The following HMCN1 variants were observed in gnomAD, a reference collection of about 807,000 sequenced individuals.
HMCN1 encodes hemicentin 1.
HMCN1 carries 321 observed loss-of-function variants against 625.9 expected under a neutral mutation model. The ratio of observed to expected loss-of-function variants is 0.51; its 90% CI spans 0.47 to 0.56. The LOEUF is 0.56. HMCN1 is among the 20% of genes least tolerant of loss of function. The pLI is 0.00. For synonymous variants in HMCN1, 2,425 were observed against 2,417.6 expected (o/e 1.00, Z -0.09); for missense variants, 6,588 against 6,887.3 (o/e 0.96, Z 1.54).
At chr1:186,075,524 C>A (rs968333460) in intron 53 of HMCN1, among the ~76,000 whole-genome samples, 8 of 152,068 alleles carry the variant, frequency 5.3e-5, no homozygotes, top group South Asian at 2.1e-4. Context: ...TCATTTGTAA[C>A]ATGACTGTCT....
intron 1 of HMCN1, among the ~76,000 whole-genome samples, chr1:185,800,103 G>A (rs760195922): frequency 5.3e-5 from 8 of 152,134 alleles, no homozygotes; most frequent in Non-Finnish European, 5.9e-5. Flanking sequence ...AAAGAGGGGC[G>A]GCCCAGGCTC....
At chr1:186,049,189 A>G (rs1656782043) in intron 42 of HMCN1, among the ~76,000 whole-genome samples, 1 of 152,040 alleles carries the variant, frequency 6.6e-6, no homozygotes, top group Admixed American at 6.6e-5. Flanking sequence ...CAAATTATAT[A>G]TGTGAACTGT....
At chr1:185,932,029 C>T (rs1306310518) in intron 10 of HMCN1, among the ~76,000 whole-genome samples, 8 of 152,056 alleles carry the variant, frequency 5.3e-5, no homozygotes, top group Non-Finnish European at 7.4e-5. Context: ...AAATATTGCA[C>T]GAGGCATATT....
chr1:185,786,411 A>G (rs765811596), intron 1 of HMCN1, among the ~76,000 whole-genome samples: 6 of 152,172 alleles, frequency 3.9e-5, no homozygotes, highest in Non-Finnish European at 8.8e-5. Flanking sequence ...TATTTGGCCA[A>G]TAAGAAACCT....
intron 89 of HMCN1, among the ~76,000 whole-genome samples, chr1:186,139,595 TTG>T (rs1332907789): frequency 6.6e-6 from 1 of 150,680 alleles, no homozygotes; most frequent in African/African-American, 2.5e-5. Flanking sequence ...TTCTATTGGC[TTG>T]TTTTTTTTTT....
At chr1:186,042,103 A>C (rs6659819) in intron 40 of HMCN1, among the ~76,000 whole-genome samples, 95,219 of 151,912 alleles carry the variant, frequency 0.63, 30,868 homozygotes, top group African/African-American at 0.8. Flanking sequence ...TGAAAGTAAA[A>C]GTTTTAGTTG....
In HMCN1 at chr1:186,055,534, AG is replaced by A. The variant is rs766672688; in HGVS notation, c.7006del (p.Ala2336GlnfsTer4). The A allele has an allele frequency of 1.2e-6, 2 of 1,612,902 alleles. No homozygotes were observed. Among genetic ancestry groups the A allele is most frequent in the Non-Finnish European group, 1.7e-6 (2 of 1,179,268 alleles). On this transcript the variant is annotated frameshift_variant, in exon 45 of 107. Transcript: ENST00000271588. LOFTEE classifies it high-confidence loss of function. ...ATGAAAGATGGCCACCCCTTGATCA[AG>A]GCAAAGGGAGTAGAAATACTGGATG... is the stretch of plus-strand genomic sequence containing the variant. The part of the protein sequence containing the change: ...TWMKDGHPLI[K>X]AKGVEILDEG...
Position 186,016,065 on chromosome 1 carries a change from C to G in HMCN1, c.5017C>G (p.Leu1673Val). The G allele has an allele frequency of 6.2e-7, 1 of 1,613,536 alleles. No individual in the cohort carries two copies. The highest frequency in any genetic ancestry group is 8.5e-7 in the Non-Finnish European group (1 of 1,179,646). Residue 1673 changes from leucine (L) to valine (V), a missense_variant, in exon 32 of 107, where the codon CTC (leucine) becomes GTC (valine). Leu to Val is a conservative substitution (Grantham distance 32). Transcript: ENST00000271588. ...CKAAGNPSPI[L>V]TWLKDGVPVK... ...AGCTGCTGGAAACCCTTCTCCCATT[C>G]TCACCTGGTTGAAAGATGGTGTACC...
intron 1 of HMCN1, among the ~76,000 whole-genome samples, chr1:185,801,801 G>A (rs1658814286): frequency 6.6e-6 from 1 of 152,190 alleles, no homozygotes; most frequent in African/African-American, 2.4e-5. Flanking sequence ...AGGGAGTTAA[G>A]GATGGCTGGA....
rs766831883 is a variant in HMCN1 at position 186,189,640 on chromosome 1, A to G, written c.16670A>G (p.Tyr5557Cys). Residue 5557 changes from tyrosine (Y) to cysteine (C), a missense_variant, in exon 107 of 107, where the codon TAC (tyrosine) becomes TGC (cysteine). By Grantham distance (194) the Tyr-to-Cys change is radical. This residue lies in a region of HMCN1 where 1,954 missense variants were observed against 2,013.1 expected (regional missense o/e 0.97). Coordinates refer to ENST00000271588, the MANE Select transcript of HMCN1 (RefSeq NM_031935.3). ...CAAGATTTAATCCGGCTGGTTGCATACACACAGGATGGAGTGATGCATCCC... is the reference window on the plus strand; with the variant it reads ...CAAGATTTAATCCGGCTGGTTGCATGCACACAGGATGGAGTGATGCATCCC... ...TNQDLIRLVA[Y>C]TQDGVMHPRT... 1.9e-6 allele frequency: 3 copies of G among 1,612,600 alleles called. No homozygotes were observed. The African/African-American group carries it at 4.0e-5, about 22-fold the overall frequency.
At chr1:185,762,888 T>C (rs1029686364) in intron 1 of HMCN1, among the ~76,000 whole-genome samples, 9 of 152,220 alleles carry the variant, frequency 5.9e-5, no homozygotes, top group African/African-American at 1.7e-4. Context: ...TTTTCTTTTG[T>C]CCAATGCTAT....
intron 49 of HMCN1, 63 bp downstream of exon 49, chr1:186,065,492 T>C: frequency 1.6e-6 from 2 of 1,285,508 alleles, no homozygotes; most frequent in Non-Finnish European, 2.1e-6. Context: ...AAATTTTCTT[T>C]TCTTTTTCTG....
chr1:185,965,750 T>A, intron 13 of HMCN1, 52 bp from the exon 14 acceptor site: 1 of 992,024 alleles, frequency 1.0e-6, no homozygotes, highest in African/African-American at 1.6e-5. Context: ...ATAAACAAAA[T>A]CCATCTGGTC....
chr1:185,749,985 C>T (rs1053493430), intron 1 of HMCN1, among the ~76,000 whole-genome samples: 3 of 152,152 alleles, frequency 2.0e-5, no homozygotes, highest in Non-Finnish European at 2.9e-5. Context: ...TCACCTCCTC[C>T]GAAAAGCCTT....
intron 4 of HMCN1, among the ~76,000 whole-genome samples, chr1:185,879,123 T>G (rs953281654): frequency 6.6e-6 from 1 of 152,204 alleles, no homozygotes; most frequent in African/African-American, 2.4e-5. Flanking sequence ...GCCTTCCCAG[T>G]CAACCAATCC....
intron 4 of HMCN1, among the ~76,000 whole-genome samples, chr1:185,904,881 G>A (rs929721091): frequency 2.0e-5 from 3 of 151,630 alleles, no homozygotes; most frequent in Non-Finnish European, 4.4e-5. Flanking sequence ...CCAGATGGAT[G>A]CATTTACACC....
At chr1:185,857,161 A>T (rs1452349255) in intron 2 of HMCN1, among the ~76,000 whole-genome samples, 1 of 152,202 alleles carries the variant, frequency 6.6e-6, no homozygotes, top group East Asian at 1.9e-4. Flanking sequence ...ACAGTTTTTT[A>T]AAAATATTTT....
chr1:185,869,819 A>G (rs1663495585), intron 4 of HMCN1, among the ~76,000 whole-genome samples: 1 of 152,148 alleles, frequency 6.6e-6, no homozygotes, highest in Non-Finnish European at 1.5e-5. Context: ...GTGTCTTCAC[A>G]TTTAATAGAC....
chr1:186,136,685 C>T lies in HMCN1; in HGVS notation c.13330C>T (p.Leu4444Phe). The T allele has an allele frequency of 6.2e-7, 1 of 1,613,886 alleles. No homozygotes were observed. The highest frequency in any genetic ancestry group is 8.5e-7 in the Non-Finnish European group (1 of 1,179,880). Residue 4444 changes from leucine to phenylalanine, a missense_variant, in exon 87 of 107, where the codon CTT (leucine) becomes TTT (phenylalanine). By Grantham distance (22) the Leu-to-Phe change is conservative. This residue lies in a region of HMCN1 where 1,954 missense variants were observed against 2,013.1 expected (regional missense o/e 0.97). Transcript: ENST00000271588. ...LTLQSPPIIT[L>F]EPVETVINAG... ...TTCCGTAGGTCCTCCTATTATCACT[C>T]TTGAGCCAGTGGAAACTGTTATTAA...
Sources: gnomAD v4.1 joint callset for allele counts (sites outside exome capture counted in the v4.1 genomes callset) on GRCh38, gnomAD v4.1.1 for gene constraint, gnomAD v4.1.1 regional missense constraint, MANE v1.5 for transcripts, NCBI Gene and HGNC (gene_info 2026-07-23, HGNC 2026-07-21) for gene names.